The following OXR1 variants were observed in gnomAD, a reference collection of about 807,000 sequenced individuals.
OXR1 encodes oxidation resistance protein 1.
In OXR1, 41 loss-of-function variants were observed where a neutral mutation model predicts 104.6. That is an observed-to-expected ratio of 0.39 (90% CI 0.31 to 0.51). The LOEUF is 0.51. Among genes scored for constraint, OXR1 ranks in the 20% least tolerant of loss-of-function variants. OXR1 has a pLI of 0.77. For synonymous variants in OXR1, 348 were observed against 348.4 expected, an observed-to-expected ratio of 1.00 and a Z score of 0.01; for missense variants, 955 against 1,031.9, an observed-to-expected ratio of 0.93 and a Z score of 1.02.
At chr8:106,655,937 C>A (rs1301217947) in intron 3 of OXR1, among the ~76,000 whole-genome samples, 1 of 152,052 alleles carries the variant, frequency 6.6e-6, no homozygotes, top group Non-Finnish European at 1.5e-5. Context: ...AAGCTTCCTG[C>A]AAATGTTGGA....
At chr8:106,273,181 C>T (rs548919332) in intron 1 of OXR1, among the ~76,000 whole-genome samples, 1 of 151,570 alleles carries the variant, frequency 6.6e-6, no homozygotes, top group African/African-American at 2.4e-5. Flanking sequence ...TTCCCTAAAT[C>T]CTGGGAAGCT....
At chr8:106,674,636 G>A (rs1052513891) in intron 3 of OXR1, among the ~76,000 whole-genome samples, 4 of 152,120 alleles carry the variant, frequency 2.6e-5, no homozygotes, top group Non-Finnish European at 5.9e-5. Context: ...TTGGCTTTGT[G>A]TCCCCACCCA....
intron 3 of OXR1, among the ~76,000 whole-genome samples, chr8:106,586,873 C>A (rs931200338): frequency 6.6e-5 from 10 of 152,042 alleles, no homozygotes; most frequent in African/African-American, 2.4e-4. Flanking sequence ...TCAGCAAGAG[C>A]AGTTCAGTGC....
chr8:106,476,716 T>C (rs564979367), intron 2 of OXR1, among the ~76,000 whole-genome samples: 2 of 152,068 alleles, frequency 1.3e-5, no homozygotes, highest in South Asian at 4.1e-4. Flanking sequence ...GCAGAAGCTG[T>C]TTCTCCTGTT....
intron 2 of OXR1, among the ~76,000 whole-genome samples, chr8:106,410,690 TAGAA>T (rs766265599): frequency 6.6e-6 from 1 of 152,210 alleles, no homozygotes; most frequent in South Asian, 2.1e-4. Context: ...AGATATGACT[TAGAA>T]AGGAGAAAAT....
intron 7 of OXR1, among the ~76,000 whole-genome samples, chr8:106,701,572 C>A (rs1383734442): frequency 6.6e-6 from 1 of 152,036 alleles, no homozygotes; most frequent in Non-Finnish European, 1.5e-5. Context: ...TCTGGCTCTT[C>A]ATTTTTACAG....
chr8:106,618,456 T>A (rs1821421474), intron 3 of OXR1, among the ~76,000 whole-genome samples: 1 of 152,240 alleles, frequency 6.6e-6, no homozygotes, highest in Non-Finnish European at 1.5e-5. Flanking sequence ...TATTTCTCTA[T>A]GATTTGCTGT....
intron 1 of OXR1, among the ~76,000 whole-genome samples, chr8:106,349,659 G>A (rs1158988592): frequency 6.6e-6 from 1 of 152,134 alleles, no homozygotes; most frequent in Non-Finnish European, 1.5e-5. Context: ...ATTACCATAT[G>A]GAAAAATGGT....
At chr8:106,352,028 G>A (rs1815748526) in intron 1 of OXR1, among the ~76,000 whole-genome samples, 1 of 152,104 alleles carries the variant, frequency 6.6e-6, no homozygotes, top group Non-Finnish European at 1.5e-5. Context: ...CAGTTCTTAT[G>A]TAGAAAATGA....
At chr8:106,716,127 T>G (rs929659601) in intron 11 of OXR1, among the ~76,000 whole-genome samples, 3 of 152,202 alleles carry the variant, frequency 2.0e-5, no homozygotes, top group Admixed American at 6.5e-5. Flanking sequence ...GATCTACTTT[T>G]TCAACTGTAA....
At chr8:106,455,579 A>G (rs536247877) in intron 2 of OXR1, among the ~76,000 whole-genome samples, 84 of 152,306 alleles carry the variant, frequency 5.5e-4, no homozygotes, top group Non-Finnish European at 1.1e-3. Context: ...CATTCTATTT[A>G]TAGATGTTAA....
chr8:106,287,467 A>G (rs1162457967), intron 1 of OXR1, among the ~76,000 whole-genome samples: 2 of 152,190 alleles, frequency 1.3e-5, no homozygotes, highest in East Asian at 3.8e-4. Context: ...TGTGGTCTGA[A>G]TGGTCTCCAA....
At chr8:106,601,570 C>A (rs1219682814) in intron 3 of OXR1, among the ~76,000 whole-genome samples, 1 of 152,172 alleles carries the variant, frequency 6.6e-6, no homozygotes, top group African/African-American at 2.4e-5. Context: ...ATTTTACCTT[C>A]TAAAGGCTCC....
chr8:106,687,887 C>T (rs1215462342), intron 6 of OXR1, among the ~76,000 whole-genome samples: 2 of 152,062 alleles, frequency 1.3e-5, no homozygotes, highest in Non-Finnish European at 2.9e-5. Flanking sequence ...GGGCTTGGTT[C>T]GGAGCCCATA....
intron 3 of OXR1, chr8:106,617,929 A>C: frequency 1.3e-6 from 1 of 766,614 alleles, no homozygotes; most frequent in Non-Finnish European, 1.6e-6. Context: ...TCAGTGAGCC[A>C]AGAGCAAGTC....
intron 2 of OXR1, among the ~76,000 whole-genome samples, chr8:106,488,624 T>C (rs542566165): frequency 2.0e-3 from 299 of 150,568 alleles, no homozygotes; most frequent in African/African-American, 4.9e-3. Flanking sequence ...AGGGATCCAG[T>C]TTCAGCTTTC....
chr8:106,532,158 T>G (rs1814143473), intron 3 of OXR1, among the ~76,000 whole-genome samples: 1 of 152,232 alleles, frequency 6.6e-6, no homozygotes, highest in South Asian at 2.1e-4. Context: ...TCTTGGCGTC[T>G]TAGGAACTTG....
intron 3 of OXR1, among the ~76,000 whole-genome samples, chr8:106,590,436 C>T (rs112352644): frequency 4.3e-4 from 66 of 152,270 alleles, no homozygotes; most frequent in African/African-American, 1.5e-3. Context: ...TACAGGCATG[C>T]GCCACCACAC....
intron 2 of OXR1, among the ~76,000 whole-genome samples, chr8:106,517,426 T>C (rs746140344): frequency 5.7e-4 from 87 of 152,354 alleles, no homozygotes; most frequent in Middle Eastern, 3.4e-3. Flanking sequence ...TTTGAGGTTT[T>C]TTTCAATTTT....
Sources: allele counts gnomAD v4.1 joint callset (sites outside exome capture counted in the v4.1 genomes callset), GRCh38; gene constraint gnomAD v4.1.1; transcripts MANE v1.5; gene names NCBI Gene and HGNC (gene_info 2026-07-23, HGNC 2026-07-21).